Variants in ST8SIA2 observed in about 807,000 individuals in gnomAD.
ST8SIA2 encodes ST8 alpha-N-acetyl-neuraminide alpha-2,8-sialyltransferase 2.
In ST8SIA2, 22 loss-of-function variants were observed where a neutral mutation model predicts 37.6. That is an observed-to-expected ratio of 0.58 (90% confidence interval 0.42 to 0.83). The LOEUF is 0.83. ST8SIA2 is among the 40% of genes least tolerant of loss of function. The pLI is 0.00. For missense variants in ST8SIA2, 382 were observed against 484.7 expected, an observed-to-expected ratio of 0.79 and a Z score of 1.99; for synonymous variants, 205 against 201.2, an observed-to-expected ratio of 1.02 and a Z score of -0.16.
chr15:92,448,228 G>A (rs2049856181), intron 5 of ST8SIA2, among the ~76,000 whole-genome samples: 1 of 152,214 alleles, frequency 6.6e-6, no homozygotes, highest in African/African-American at 2.4e-5. Context: ...TCTTTTAGCA[G>A]GGGGAGAAGA....
chr15:92,441,432 A>T (rs1280586206), intron 4 of ST8SIA2, among the ~76,000 whole-genome samples: 1 of 152,144 alleles, frequency 6.6e-6, no homozygotes, highest in African/African-American at 2.4e-5. Flanking sequence ...AGCTGCACAA[A>T]GTGCTGCTGG....
chr15:92,434,774 C>T (rs916598331), intron 3 of ST8SIA2, among the ~76,000 whole-genome samples: 4 of 152,224 alleles, frequency 2.6e-5, no homozygotes, highest in African/African-American at 9.6e-5. Flanking sequence ...CCAGTTTGTT[C>T]CTGGAGAGCT....
chr15:92,406,421 C>T (rs1285706203), intron 1 of ST8SIA2, among the ~76,000 whole-genome samples: 2 of 152,180 alleles, frequency 1.3e-5, no homozygotes, highest in Non-Finnish European at 2.9e-5. Flanking sequence ...GTCCTCAGAC[C>T]AGCAACATGG....
At chr15:92,425,901 G>T (rs566803946) in intron 1 of ST8SIA2, among the ~76,000 whole-genome samples, 1 of 152,182 alleles carries the variant, frequency 6.6e-6, no homozygotes, top group African/African-American at 2.4e-5. Flanking sequence ...TGACAGGAGC[G>T]TTCCCAGGAA....
At chr15:92,449,363 G>C (rs1297019220) in intron 5 of ST8SIA2, among the ~76,000 whole-genome samples, 1 of 152,248 alleles carries the variant, frequency 6.6e-6, no homozygotes, top group Non-Finnish European at 1.5e-5. Context: ...CGTCCATGAT[G>C]TATTCCATGG....
chr15:92,405,859 T>C (rs895581518), intron 1 of ST8SIA2, among the ~76,000 whole-genome samples: 7 of 152,196 alleles, frequency 4.6e-5, no homozygotes, highest in African/African-American at 9.7e-5. Flanking sequence ...CCTGCCCATC[T>C]AAGTTTAGTG....
chr15:92,454,199 G>T (rs955972649), intron 5 of ST8SIA2, among the ~76,000 whole-genome samples: 1 of 152,146 alleles, frequency 6.6e-6, no homozygotes, highest in African/African-American at 2.4e-5. Flanking sequence ...GGTTCAGCGT[G>T]GTTGGTCCCA....
intron 1 of ST8SIA2, among the ~76,000 whole-genome samples, chr15:92,396,637 G>C (rs2049433654): frequency 6.6e-6 from 1 of 151,990 alleles, no homozygotes; most frequent in Non-Finnish European, 1.5e-5. Context: ...GGGATTACAG[G>C]CACCTGCCAC....
chr15:92,412,654 G>GC (rs1445243452), intron 1 of ST8SIA2, among the ~76,000 whole-genome samples: 49 of 152,036 alleles, frequency 3.2e-4, no homozygotes, highest in African/African-American at 1.1e-3. Flanking sequence ...TTTTGTTTTT[G>GC]TTTTGTTTGT....
chr15:92,461,853 G>A (rs1013183035), intron 5 of ST8SIA2, among the ~76,000 whole-genome samples: 4 of 152,166 alleles, frequency 2.6e-5, no homozygotes, highest in African/African-American at 9.7e-5. Context: ...GAGAGCACAG[G>A]GAAGAAATGA....
At chr15:92,459,308 C>T (rs755474609) in intron 5 of ST8SIA2, among the ~76,000 whole-genome samples, 12 of 152,048 alleles carry the variant, frequency 7.9e-5, no homozygotes, top group Admixed American at 2.6e-4. Context: ...CGTGGTGGCT[C>T]GACGATCCCT....
At chr15:92,430,205 G>C in intron 2 of ST8SIA2, 94 bp downstream of exon 2, 1 of 1,235,850 alleles carries the variant, frequency 8.1e-7, no homozygotes, top group Non-Finnish European at 1.2e-6. Context: ...TTCTTACTTA[G>C]CAAATAGATC....
intron 1 of ST8SIA2, among the ~76,000 whole-genome samples, chr15:92,397,458 G>A (rs906399174): frequency 7.9e-5 from 12 of 152,064 alleles, no homozygotes; most frequent in African/African-American, 2.9e-4. Context: ...CATTGAGCTG[G>A]AGCTGACTAA....
chr15:92,459,835 G>A (rs1000144998), intron 5 of ST8SIA2, among the ~76,000 whole-genome samples: 2 of 152,096 alleles, frequency 1.3e-5, no homozygotes, highest in African/African-American at 4.8e-5. Context: ...CAGGTGATCC[G>A]CCCGCCTCAG....
At chr15:92,427,754 TG>T (rs1567216245) in intron 1 of ST8SIA2, among the ~76,000 whole-genome samples, 3 of 152,112 alleles carry the variant, frequency 2.0e-5, no homozygotes. Context: ...GAGGCCGAGG[TG>T]GGCAGATCAC....
intron 2 of ST8SIA2, among the ~76,000 whole-genome samples, chr15:92,432,389 G>A (rs1044049776): frequency 1.3e-5 from 2 of 152,182 alleles, no homozygotes; most frequent in African/African-American, 4.8e-5. Flanking sequence ...GCCTCATGAG[G>A]TGGCAGCCAG....
At position 92,397,290 on chromosome 15, in the gene ST8SIA2, G is replaced by A. The variant is rs1596226030; in HGVS notation, c.98+3128G>A. ...TGATTCTCTTTTTTTTATAAAATGA[G>A]GCTTTTAATGTGGTGGTCTCAGAGG... On this transcript the variant is annotated intron_variant, in intron 1 of 5. Transcript: ENST00000268164. Among the ~76,000 whole-genome samples the A allele has an allele frequency of 2.0e-5, 3 of 152,096 alleles. No individual in the cohort carries two copies. The South Asian group carries it at 6.2e-4, about 32-fold the overall frequency.
At chr15:92,433,896 T>C (rs1025859176) in intron 2 of ST8SIA2, among the ~76,000 whole-genome samples, 2 of 152,120 alleles carry the variant, frequency 1.3e-5, no homozygotes, top group African/African-American at 4.8e-5. Flanking sequence ...GTTGCTCATA[T>C]ACCTGCTCCT....
chr15:92,441,577 GCACA>G (rs112388744), intron 4 of ST8SIA2, among the ~76,000 whole-genome samples: 21,573 of 143,072 alleles, frequency 0.15, 1,599 homozygotes, highest in African/African-American at 0.17. Flanking sequence ...CACTGTGCAT[GCACA>G]CACACACACA....
Sources: gnomAD v4.1 joint callset for allele counts (sites outside exome capture counted in the v4.1 genomes callset) on GRCh38, gnomAD v4.1.1 for gene constraint, MANE v1.5 for transcripts, NCBI Gene and HGNC (gene_info 2026-07-23, HGNC 2026-07-21) for gene names.